Variants in TTLL5 observed in about 807,000 individuals in gnomAD.
The protein encoded by TTLL5 is tubulin polyglutamylase TTLL5.
Under a neutral mutation model 168.4 loss-of-function variants are expected in TTLL5, and 132 were observed. The observed-to-expected ratio is 0.78, with a 90% CI of 0.68 to 0.91. TTLL5 has a LOEUF of 0.91. Ranked by LOEUF, TTLL5 falls within the 40% of genes least tolerant of loss-of-function variation. The probability of loss-of-function intolerance (pLI) is 0.00; values close to 1 mark genes in which losing one functional copy is unlikely to be tolerated. For synonymous variants in TTLL5, 546 were observed against 558.6 expected (o/e 0.98, Z 0.32); for missense variants, 1,545 against 1,581.5 (o/e 0.98, Z 0.39).
chr14:75,778,449 C>T (rs1176321369), intron 23 of TTLL5, among the ~76,000 whole-genome samples: 32 of 152,124 alleles, frequency 2.1e-4, no homozygotes, highest in Admixed American at 2.1e-3. Context: ...CTGTGAAGGG[C>T]CAAATAAAAC....
At chr14:75,824,217 A>G (rs1372299443) in intron 28 of TTLL5, among the ~76,000 whole-genome samples, 1 of 152,184 alleles carries the variant, frequency 6.6e-6, no homozygotes, top group African/African-American at 2.4e-5. Context: ...TATATCTTCC[A>G]TGTTCTCAGC....
At chr14:75,904,289 T>A in intron 31 of TTLL5, 1 of 1,063,094 alleles carries the variant, frequency 9.4e-7, no homozygotes, top group Non-Finnish European at 1.2e-6. Context: ...CACCTGGGAT[T>A]GTTATGAACT....
intron 13 of TTLL5, among the ~76,000 whole-genome samples, chr14:75,733,470 T>G (rs866023281): frequency 5.2e-4 from 79 of 152,110 alleles, no homozygotes; most frequent in African/African-American, 1.9e-3. Flanking sequence ...TTTTTTCTTT[T>G]TTTGCCGTAT....
intron 20 of TTLL5, among the ~76,000 whole-genome samples, chr14:75,771,427 CA>C (rs770570664): frequency 2.7e-5 from 4 of 148,770 alleles, no homozygotes; most frequent in African/African-American, 9.9e-5. Context: ...GACCTTGTCT[CA>C]AAAAAAAAAT....
chr14:75,799,432 C>T (rs958255025), intron 27 of TTLL5, among the ~76,000 whole-genome samples: 1 of 152,052 alleles, frequency 6.6e-6, no homozygotes, highest in Non-Finnish European at 1.5e-5. Context: ...GATTTTGTAT[C>T]TTTTAAGGGG....
chr14:75,760,447 T>C (rs1286331703), intron 18 of TTLL5, among the ~76,000 whole-genome samples: 1 of 152,044 alleles, frequency 6.6e-6, no homozygotes, highest in East Asian at 1.9e-4. Context: ...GCAATTTCAA[T>C]CATTATTCTG....
rs550669673 is a variant in TTLL5 at position 75,927,110 on chromosome 14, T to C, written c.3823+24886T>C. 2.3e-3 allele frequency among the ~76,000 whole-genome samples: 344 copies of C among 152,306 alleles called. 1 individual carries two copies. Among genetic ancestry groups the C allele is most frequent in the African/African-American group, 7.9e-3 (330 of 41,568 alleles). The stretch of plus-strand genomic sequence containing the variant: ...TTTGTGTTTGTGTTTTTGTTTTTGT[T>C]TTAATTTTTGTGGGTACATAGTAGG... On this transcript the variant is annotated intron_variant, in intron 31 of 31. Coordinates refer to ENST00000298832, the MANE Select transcript of TTLL5 (RefSeq NM_015072.5).
At chr14:75,830,032 G>A (rs901529452) in intron 28 of TTLL5, among the ~76,000 whole-genome samples, 1 of 152,216 alleles carries the variant, frequency 6.6e-6, no homozygotes, top group Non-Finnish European at 1.5e-5. Context: ...TAGAGAAATA[G>A]TGAGATATTG....
At chr14:75,808,958 C>A (rs940339816) in intron 27 of TTLL5, among the ~76,000 whole-genome samples, 2 of 151,034 alleles carry the variant, frequency 1.3e-5, no homozygotes, top group Non-Finnish European at 2.9e-5. Context: ...CTATACATAT[C>A]AGGATATATA....
intron 18 of TTLL5, among the ~76,000 whole-genome samples, chr14:75,761,887 AT>A (rs1371122741): frequency 6.6e-6 from 1 of 152,228 alleles, no homozygotes; most frequent in African/African-American, 2.4e-5. Flanking sequence ...TAGTAATGAT[AT>A]GCATGTTGAA....
intron 15 of TTLL5, chr14:75,737,721 G>A (rs1003984291): frequency 3.4e-5 from 38 of 1,107,814 alleles, no homozygotes; most frequent in East Asian, 2.3e-4. Flanking sequence ...ATTTTTTTGC[G>A]CAGTTTAATA....
chr14:75,856,208 C>T (rs937526293), intron 28 of TTLL5, among the ~76,000 whole-genome samples: 8 of 152,228 alleles, frequency 5.3e-5, no homozygotes, highest in African/African-American at 1.9e-4. Flanking sequence ...ACTAAACATA[C>T]AAAAATTAGC....
chr14:75,793,726 A>C (rs1435257248), intron 27 of TTLL5, among the ~76,000 whole-genome samples: 7 of 152,208 alleles, frequency 4.6e-5, no homozygotes, highest in Non-Finnish European at 1.0e-4. Context: ...CAACACAGTG[A>C]AGGTAGATGA....
chr14:75,829,466 A>G (rs996339920), intron 28 of TTLL5, among the ~76,000 whole-genome samples: 3 of 152,198 alleles, frequency 2.0e-5, no homozygotes, highest in Non-Finnish European at 4.4e-5. Flanking sequence ...AAGGAAGAGA[A>G]ATACATTTAC....
chr14:75,832,187 A>G (rs1451721251), intron 28 of TTLL5, among the ~76,000 whole-genome samples: 1 of 152,156 alleles, frequency 6.6e-6, no homozygotes, highest in African/African-American at 2.4e-5. Context: ...CATTGAGCAC[A>G]ATGTCAACAA....
chr14:75,833,487 G>A (rs1047148347), intron 28 of TTLL5, among the ~76,000 whole-genome samples: 2 of 152,180 alleles, frequency 1.3e-5, no homozygotes, highest in Non-Finnish European at 2.9e-5. Flanking sequence ...TTAAGAGGCA[G>A]ACCAATTTGG....
At chr14:75,730,383 C>T (rs116089461) in intron 12 of TTLL5, among the ~76,000 whole-genome samples, 1,621 of 152,166 alleles carry the variant, frequency 0.011, 16 homozygotes, top group African/African-American at 0.024. Context: ...AAAGAGCTTC[C>T]TTTTCTTTAC....
At chr14:75,786,135 T>G (rs1166812820) in intron 26 of TTLL5, among the ~76,000 whole-genome samples, 2 of 152,200 alleles carry the variant, frequency 1.3e-5, no homozygotes, top group African/African-American at 4.8e-5. Flanking sequence ...TAATAAGTCA[T>G]AAATATGAAT....
intron 7 of TTLL5, among the ~76,000 whole-genome samples, chr14:75,705,410 A>G (rs992126953): frequency 1.3e-5 from 2 of 152,220 alleles, no homozygotes; most frequent in African/African-American, 4.8e-5. Context: ...TATAAAGACA[A>G]ACTTTTGAAT....
Sources: allele counts gnomAD v4.1 joint callset (sites outside exome capture counted in the v4.1 genomes callset), GRCh38; gene constraint gnomAD v4.1.1; transcripts MANE v1.5; gene names NCBI Gene and HGNC (gene_info 2026-07-23, HGNC 2026-07-21).